Variants in CCNJL observed in about 807,000 individuals in gnomAD.
CCNJL encodes the protein cyclin J like.
Under a neutral mutation model 33.4 loss-of-function variants are expected in CCNJL, and 33 were observed. The ratio of observed to expected loss-of-function variants is 0.99; its 90% CI spans 0.75 to 1.32. The LOEUF (loss-of-function observed/expected upper bound fraction) is 1.32. CCNJL is among the 40% of genes most tolerant of loss of function. CCNJL has a pLI of 0.00. For missense variants in CCNJL, 512 were observed against 499.7 expected (o/e 1.02, Z -0.23); for synonymous variants, 227 against 220.9 (o/e 1.03, Z -0.24).
At chr5:160,293,794 T>C (rs1228288387) in intron 2 of CCNJL, among the ~76,000 whole-genome samples, 1 of 152,108 alleles carries the variant, frequency 6.6e-6, no homozygotes, top group Non-Finnish European at 1.5e-5. Flanking sequence ...ATCTTGGGCT[T>C]GGACATCAGA....
chr5:160,333,277 C>T (rs1763633696), intron 1 of CCNJL, among the ~76,000 whole-genome samples: 1 of 152,092 alleles, frequency 6.6e-6, no homozygotes, highest in African/African-American at 2.4e-5. Flanking sequence ...CACCCGCCAC[C>T]ACGCCCGGCT....
At chr5:160,254,123 A>G (rs926344687) in intron 5 of CCNJL, 2 of 463,076 alleles carry the variant, frequency 4.3e-6, no homozygotes, top group African/African-American at 4.0e-5. Flanking sequence ...GGTAACTTCT[A>G]GTTACCTGGC....
At chr5:160,314,276 A>G (rs1477399323), upstream of CCNJL, among the ~76,000 whole-genome samples, 1 of 152,268 alleles carries the variant, frequency 6.6e-6, no homozygotes, top group Non-Finnish European at 1.5e-5. Flanking sequence ...ACAAGAATGG[A>G]TGGATTAAGC....
chr5:160,304,384 T>C (rs1561804556), intron 2 of CCNJL, among the ~76,000 whole-genome samples: 2 of 152,214 alleles, frequency 1.3e-5, no homozygotes, highest in African/African-American at 4.8e-5. Context: ...TTCCATCCTC[T>C]GTATACACCT....
intron 2 of CCNJL, among the ~76,000 whole-genome samples, chr5:160,293,762 C>T (rs1251414294): frequency 6.6e-6 from 1 of 152,198 alleles, no homozygotes; most frequent in African/African-American, 2.4e-5. Context: ...ACTGCCAAGG[C>T]CACACTGCAG....
intron 2 of CCNJL, among the ~76,000 whole-genome samples, chr5:160,300,957 G>A (rs1414745091): frequency 1.3e-5 from 2 of 152,200 alleles, no homozygotes; most frequent in Admixed American, 6.5e-5. Flanking sequence ...ACCACTGGAA[G>A]TATACTAGCG....
At chr5:160,310,548 G>T (rs938802433) in intron 2 of CCNJL, among the ~76,000 whole-genome samples, 3 of 152,160 alleles carry the variant, frequency 2.0e-5, no homozygotes, top group African/African-American at 4.8e-5. Context: ...AACCTGTGTG[G>T]GGGCTCAGGT....
At chr5:160,280,951 AGAG>A in intron 2 of CCNJL, 1 of 651,266 alleles carries the variant, frequency 1.5e-6, no homozygotes, top group Non-Finnish European at 2.8e-6. Context: ...TCAAGGACCT[AGAG>A]GATGACAGAG....
At position 160,293,939 on chromosome 5, in the gene CCNJL, C is replaced by T. The variant is rs191534414; in HGVS notation, c.67-13201G>A. The stretch of plus-strand genomic sequence containing the variant: ...CAAGAGAAACCACTCTGCTTTCCTC[C>T]TCCAATCTCCCTACCATGCCTATCC... On this transcript the variant is annotated intron_variant, in intron 2 of 5. Coordinates refer to ENST00000257536, the MANE Select transcript of CCNJL (RefSeq NM_001308173.3). Among the ~76,000 whole-genome samples, 31 of 152,248 alleles carry T rather than the reference C, an allele frequency of 2.0e-4. 1 individual carries two copies. Among genetic ancestry groups the T allele is most frequent in the Admixed American group, 1.8e-3 (28 of 15,292 alleles).
chr5:160,256,243 G>T (rs183097824), intron 4 of CCNJL, among the ~76,000 whole-genome samples: 3 of 152,104 alleles, frequency 2.0e-5, no homozygotes, highest in Non-Finnish European at 4.4e-5. Flanking sequence ...TACTGTCCAC[G>T]GCTCCCAGGG....
At chr5:160,263,622 A>G (rs1398467182) in intron 3 of CCNJL, among the ~76,000 whole-genome samples, 2 of 152,200 alleles carry the variant, frequency 1.3e-5, no homozygotes, top group African/African-American at 4.8e-5. Context: ...ACTGGACCAT[A>G]GCAGGAGTCC....
chr5:160,331,882 C>T (rs1456134528), intron 1 of CCNJL, among the ~76,000 whole-genome samples: 2 of 152,200 alleles, frequency 1.3e-5, no homozygotes, highest in African/African-American at 2.4e-5. Flanking sequence ...CCAGCAGCAT[C>T]AGCATCATCT....
chr5:160,300,497 C>T (rs909067704), intron 2 of CCNJL, among the ~76,000 whole-genome samples: 8 of 152,212 alleles, frequency 5.3e-5, no homozygotes, highest in Non-Finnish European at 8.8e-5. Flanking sequence ...GTGGCAAGCA[C>T]AAACTCCTAA....
intron 2 of CCNJL, among the ~76,000 whole-genome samples, chr5:160,295,543 G>C (rs1419922380): frequency 6.6e-6 from 1 of 152,110 alleles, no homozygotes; most frequent in Non-Finnish European, 1.5e-5. Context: ...AAGTTAAAAT[G>C]AGGTCATATT....
At chr5:160,256,825 G>A (rs915678339) in intron 4 of CCNJL, among the ~76,000 whole-genome samples, 7 of 152,058 alleles carry the variant, frequency 4.6e-5, no homozygotes, top group Non-Finnish European at 8.8e-5. Context: ...GGCTGAGGCA[G>A]GAGAATCGCT....
intron 4 of CCNJL, among the ~76,000 whole-genome samples, 183 bp from the exon 5 acceptor site, chr5:160,255,891 G>C (rs1761044040): frequency 6.6e-6 from 1 of 152,080 alleles, no homozygotes; most frequent in South Asian, 2.1e-4. Flanking sequence ...TCTTGGTCTG[G>C]GATTTATTTT....
chr5:160,254,152 T>C (rs1760949599), intron 5 of CCNJL: 1 of 470,682 alleles, frequency 2.1e-6, no homozygotes. Context: ...GGATGGCGCC[T>C]GCTTGTGCTC....
chr5:160,292,567 C>T (rs971950460), intron 2 of CCNJL, among the ~76,000 whole-genome samples: 1 of 151,998 alleles, frequency 6.6e-6, no homozygotes, highest in Non-Finnish European at 1.5e-5. Flanking sequence ...GCTGCAGTGA[C>T]CTACGATTAT....
intron 1 of CCNJL, among the ~76,000 whole-genome samples, chr5:160,329,737 T>G (rs973882485): frequency 3.9e-5 from 6 of 152,244 alleles, no homozygotes; most frequent in Non-Finnish European, 7.3e-5. Context: ...TTTTTCTGCC[T>G]ATAAAGCCCA....
Sources: allele counts gnomAD v4.1 joint callset (sites outside exome capture counted in the v4.1 genomes callset), GRCh38; gene constraint gnomAD v4.1.1; transcripts MANE v1.5; gene names NCBI Gene and HGNC (gene_info 2026-07-23, HGNC 2026-07-21).